CDH13: variants seen among roughly 807,000 people sequenced by gnomAD.
The protein encoded by CDH13 is cadherin 13.
A neutral mutation model predicts 63.8 loss-of-function variants in CDH13; 24 were observed. The observed-to-expected ratio is 0.38, with a 90% CI of 0.27 to 0.53. The LOEUF is 0.53. Among genes scored for constraint, CDH13 ranks in the 20% least tolerant of loss-of-function variants. The pLI, the probability that CDH13 is intolerant of heterozygous loss-of-function variation, is 0.85. For synonymous variants in CDH13, 503 were observed against 355.3 expected (o/e 1.42, Z -4.67); for missense variants, 1,049 against 903.1 (o/e 1.16, Z -2.07).
intron 8 of CDH13, among the ~76,000 whole-genome samples, chr16:83,635,360 T>C (rs1486966019): frequency 1.0e-5 from 1 of 97,698 alleles, no homozygotes; most frequent in Admixed American, 1.2e-4. Context: ...TTTTTTTTTT[T>C]TGAGACAGAG....
chr16:82,964,589 C>T (rs868497963), intron 2 of CDH13, among the ~76,000 whole-genome samples: 6 of 152,062 alleles, frequency 3.9e-5, no homozygotes, highest in Middle Eastern at 6.8e-3. Flanking sequence ...TTATCAACAT[C>T]ATTCTCCTTA....
At chr16:82,700,543 GTGTC>G (rs1171128399) in intron 1 of CDH13, among the ~76,000 whole-genome samples, 2 of 140,216 alleles carry the variant, frequency 1.4e-5, no homozygotes, top group East Asian at 2.1e-4. Context: ...GTGTGTGTGT[GTGTC>G]TGTGTGTCTT....
intron 2 of CDH13, among the ~76,000 whole-genome samples, chr16:82,973,324 C>G (rs1909037709): frequency 6.6e-6 from 1 of 152,208 alleles, no homozygotes; most frequent in South Asian, 2.1e-4. Context: ...AAGAATCAGG[C>G]TTTACGATTC....
intron 3 of CDH13, among the ~76,000 whole-genome samples, chr16:83,101,899 A>G (rs561741420): frequency 3.9e-5 from 6 of 152,320 alleles, no homozygotes; most frequent in African/African-American, 1.4e-4. Context: ...AGACAGAACC[A>G]AGGCCCCAGG....
chr16:83,782,485 C>T (rs1282542330), intron 12 of CDH13, among the ~76,000 whole-genome samples: 6 of 152,100 alleles, frequency 3.9e-5, no homozygotes, highest in Admixed American at 3.9e-4. Context: ...CCTGTAATCC[C>T]AGCATTTTGG....
chr16:83,263,605 C>G (rs906786096), intron 5 of CDH13, among the ~76,000 whole-genome samples: 2 of 152,192 alleles, frequency 1.3e-5, no homozygotes, highest in African/African-American at 4.8e-5. Context: ...AAAATATGAT[C>G]TTCGTGATGT....
intron 7 of CDH13, among the ~76,000 whole-genome samples, chr16:83,508,051 G>GA (rs1435274682): frequency 2.5e-5 from 3 of 117,976 alleles, no homozygotes; most frequent in Non-Finnish European, 5.2e-5. Context: ...AAGAGAGAAA[G>GA]AGAAGAAGGA....
Position 83,706,743 on chromosome 16 carries a change from A to G in CDH13, c.1538+28282A>G, listed in dbSNP as rs145162667. Among the ~76,000 whole-genome samples, 644 of 152,346 alleles carry G rather than the reference A, an allele frequency of 4.2e-3. 6 individuals carry two copies. The highest frequency in any genetic ancestry group is 0.015 in the African/African-American group (607 of 41,584). On this transcript the variant is annotated intron_variant, in intron 10 of 13. Transcript: ENST00000567109. ...AGAGAAGCAAAGAAAAATAGGATGA[A>G]GCAAGCTTCAGGAATGCCGGAAAAA...
At chr16:83,009,561 T>C (rs1913903593) in intron 2 of CDH13, among the ~76,000 whole-genome samples, 1 of 152,196 alleles carries the variant, frequency 6.6e-6, no homozygotes, top group Non-Finnish European at 1.5e-5. Flanking sequence ...AAGTCTCATA[T>C]GGCTGAGTAG....
At chr16:82,871,791 C>T (rs1483198066) in intron 2 of CDH13, among the ~76,000 whole-genome samples, 1 of 152,146 alleles carries the variant, frequency 6.6e-6, no homozygotes, top group Non-Finnish European at 1.5e-5. Flanking sequence ...CCTTCATCCC[C>T]CAGCTTTGCT....
At chr16:83,481,416 C>A (rs905560653) in intron 6 of CDH13, among the ~76,000 whole-genome samples, 1 of 152,186 alleles carries the variant, frequency 6.6e-6, no homozygotes, top group African/African-American at 2.4e-5. Context: ...GAAAACCCCC[C>A]GTCACTCTCA....
intron 4 of CDH13, among the ~76,000 whole-genome samples, chr16:83,173,160 G>A (rs2037993310): frequency 6.6e-6 from 1 of 152,114 alleles, no homozygotes; most frequent in Non-Finnish European, 1.5e-5. Context: ...CCATGACTAT[G>A]CCACTTACAT....
chr16:83,631,072 C>G (rs7204129), intron 8 of CDH13, among the ~76,000 whole-genome samples: 53,114 of 152,074 alleles, frequency 0.35, 9,396 homozygotes, highest in East Asian at 0.49. Context: ...TAAAAGAGCT[C>G]TCCTCTTCCT....
At chr16:83,094,656 C>T (rs2034104828) in intron 3 of CDH13, among the ~76,000 whole-genome samples, 1 of 152,180 alleles carries the variant, frequency 6.6e-6, no homozygotes, top group Non-Finnish European at 1.5e-5. Context: ...ATGAATGCTT[C>T]AGTTCCAAAT....
chr16:82,956,974 C>T (rs898374514), intron 2 of CDH13, among the ~76,000 whole-genome samples: 10 of 152,076 alleles, frequency 6.6e-5, no homozygotes, highest in Admixed American at 5.9e-4. Flanking sequence ...AAAGTGGAGA[C>T]AGGGGTGGAG....
chr16:82,853,912 C>T (rs2039589293), intron 1 of CDH13, among the ~76,000 whole-genome samples: 1 of 152,154 alleles, frequency 6.6e-6, no homozygotes, highest in Admixed American at 6.5e-5. Context: ...TATTTTTATG[C>T]ATGTGACATC....
chr16:82,779,567 G>C (rs2035654365), intron 1 of CDH13, among the ~76,000 whole-genome samples: 1 of 152,172 alleles, frequency 6.6e-6, no homozygotes, highest in South Asian at 2.1e-4. Flanking sequence ...GCGGGAGAAG[G>C]CAAAGGAGAG....
chr16:83,396,832 T>A (rs2091894092), intron 6 of CDH13: 1 of 152,180 alleles, frequency 6.6e-6, no homozygotes, highest in Non-Finnish European at 1.5e-5. Flanking sequence ...ACAAAACATG[T>A]GTTACCAGAC....
intron 7 of CDH13, among the ~76,000 whole-genome samples, chr16:83,569,668 A>G (rs4782546): frequency 1 from 152,266 of 152,302 alleles, 76,115 homozygotes; most frequent in Non-Finnish European, 1. Context: ...TAGGACATGG[A>G]CTCAGAGACG....
Sources: allele counts gnomAD v4.1 joint callset (sites outside exome capture counted in the v4.1 genomes callset), GRCh38; gene constraint gnomAD v4.1.1; transcripts MANE v1.5; gene names NCBI Gene and HGNC (gene_info 2026-07-23, HGNC 2026-07-21).